The following TRAPPC9 variants were observed in gnomAD, a reference collection of about 807,000 sequenced individuals.
TRAPPC9 encodes IKK2 binding protein.
TRAPPC9 carries 83 observed loss-of-function variants against 124.0 expected under a neutral mutation model. That is an observed-to-expected ratio of 0.67 (90% CI 0.56 to 0.80). The LOEUF (loss-of-function observed/expected upper bound fraction) is 0.80, where lower values mean the gene tolerates loss of function less well. TRAPPC9 is among the 30% of genes least tolerant of loss of function. The pLI, the probability that TRAPPC9 is intolerant of heterozygous loss-of-function variation, is 0.00. For missense variants in TRAPPC9, 1,302 were observed against 1,508.3 expected (o/e 0.86, Z 2.27); for synonymous variants, 638 against 617.5 (o/e 1.03, Z -0.49).
chr8:140,139,962 TAAAC>T (rs949815953), intron 17 of TRAPPC9, among the ~76,000 whole-genome samples: 2 of 152,206 alleles, frequency 1.3e-5, no homozygotes, highest in African/African-American at 4.8e-5. Flanking sequence ...AGTTCATTCT[TAAAC>T]AAACAGCTAC....
At chr8:140,043,007 G>T (rs570615169) in intron 17 of TRAPPC9, among the ~76,000 whole-genome samples, 166 of 152,236 alleles carry the variant, frequency 1.1e-3, no homozygotes, top group African/African-American at 3.9e-3. Context: ...CTGTTTTTCA[G>T]CTCGACTGGC....
At position 140,221,595 on chromosome 8, in the gene TRAPPC9, G is replaced by A. The variant is rs1365054084; in HGVS notation, c.2432-12C>T. On this transcript the variant is annotated splice_polypyrimidine_tract_variant and intron_variant, in intron 16 of 22. Coordinates refer to ENST00000438773, the MANE Select transcript of TRAPPC9 (RefSeq NM_001160372.4). ...CACACTGATTCCATCTACAAAATAA[G>A]AACAAAAATCATAAGTAACACGTCA... is the stretch of plus-strand genomic sequence containing the variant. 2.5e-6 allele frequency: 4 copies of A among 1,612,658 alleles called. No homozygotes were observed. The Admixed American group carries it at 5.0e-5, about 20-fold the overall frequency.
At chr8:139,857,341 G>A (rs576438733) in intron 21 of TRAPPC9, among the ~76,000 whole-genome samples, 26 of 152,336 alleles carry the variant, frequency 1.7e-4, no homozygotes, top group Admixed American at 3.3e-4. Flanking sequence ...ATGGAGGCAA[G>A]GCGAGGCATA....
intron 17 of TRAPPC9, among the ~76,000 whole-genome samples, chr8:140,139,841 TAACAGCGTTCAA>T (rs930144528): frequency 6.6e-6 from 1 of 152,144 alleles, no homozygotes; most frequent in African/African-American, 2.4e-5. Flanking sequence ...GGTGGTTATC[TAACAGCGTTCAA>T]AAGCCCGCAG....
chr8:140,361,664 C>T (rs1489956767), intron 8 of TRAPPC9, among the ~76,000 whole-genome samples: 1 of 152,186 alleles, frequency 6.6e-6, no homozygotes, highest in Admixed American at 6.5e-5. Context: ...ACCTGTTCCA[C>T]TGTTTCACTA....
intron 15 of TRAPPC9, among the ~76,000 whole-genome samples, chr8:140,270,892 G>T (rs547949356): frequency 6.6e-6 from 1 of 152,242 alleles, no homozygotes; most frequent in Non-Finnish European, 1.5e-5. Flanking sequence ...ACAGGGCCGC[G>T]GGGGCCAGGG....
chr8:140,340,495 C>T (rs555103060), intron 9 of TRAPPC9, among the ~76,000 whole-genome samples: 2 of 152,368 alleles, frequency 1.3e-5, no homozygotes, highest in African/African-American at 4.8e-5. Context: ...AGCAAACACA[C>T]CAGCACTGTT....
intron 21 of TRAPPC9, among the ~76,000 whole-genome samples, chr8:139,847,085 T>C (rs1038118538): frequency 3.3e-5 from 5 of 152,108 alleles, no homozygotes; most frequent in Admixed American, 6.5e-5. Context: ...GCAGCAACTG[T>C]GGGTGCGCAG....
intron 9 of TRAPPC9, among the ~76,000 whole-genome samples, chr8:140,349,496 C>T (rs1337536734): frequency 1.3e-5 from 2 of 151,008 alleles, no homozygotes; most frequent in Non-Finnish European, 3.0e-5. Context: ...AGGCAGACGA[C>T]CCTGGCAGAG....
chr8:140,303,149 T>C (rs79633030), intron 10 of TRAPPC9, among the ~76,000 whole-genome samples: 13,542 of 152,238 alleles, frequency 0.089, 679 homozygotes, highest in African/African-American at 0.13. Context: ...GTTTAAGTTT[T>C]AAACGTATCA....
chr8:139,980,379 C>T (rs1425970800), intron 19 of TRAPPC9, among the ~76,000 whole-genome samples: 2 of 152,150 alleles, frequency 1.3e-5, no homozygotes, highest in African/African-American at 4.8e-5. Flanking sequence ...AATGGGGCCC[C>T]AAATAACAAC....
At chr8:140,306,096 T>C (rs539340419) in intron 10 of TRAPPC9, among the ~76,000 whole-genome samples, 26 of 152,290 alleles carry the variant, frequency 1.7e-4, no homozygotes, top group Admixed American at 7.8e-4. Flanking sequence ...ATGACAGTCT[T>C]AGAGAAGGAA....
At chr8:140,026,975 G>T (rs1840188064) in intron 17 of TRAPPC9, among the ~76,000 whole-genome samples, 1 of 151,980 alleles carries the variant, frequency 6.6e-6, no homozygotes, top group South Asian at 2.1e-4. Context: ...TCTCCAAAGG[G>T]CTGCTGATTT....
chr8:140,458,328 CA>C (rs1564040695), upstream of TRAPPC9: 3 of 1,578,378 alleles, frequency 1.9e-6, no homozygotes, highest in African/African-American at 2.7e-5. Context: ...CTGTGAAGCT[CA>C]GGGGTGGAGG....
chr8:139,911,058 T>A (rs1390244205), intron 19 of TRAPPC9, among the ~76,000 whole-genome samples: 1 of 152,074 alleles, frequency 6.6e-6, no homozygotes, highest in African/African-American at 2.4e-5. Flanking sequence ...TTTGGCTCTA[T>A]CCCCACCCAA....
chr8:140,278,541 C>A (rs145596951), intron 14 of TRAPPC9, among the ~76,000 whole-genome samples: 1 of 152,218 alleles, frequency 6.6e-6, no homozygotes, highest in Non-Finnish European at 1.5e-5. Context: ...CAGAAAAGCA[C>A]GCTAGCAGTA....
intron 17 of TRAPPC9, among the ~76,000 whole-genome samples, chr8:140,082,734 G>A (rs1032956050): frequency 1.3e-5 from 2 of 152,112 alleles, no homozygotes; most frequent in Non-Finnish European, 2.9e-5. Flanking sequence ...TTCTCCTATT[G>A]TTAAACAAAA....
At chr8:139,809,292 C>T (rs1824273767) in intron 21 of TRAPPC9, among the ~76,000 whole-genome samples, 3 of 152,124 alleles carry the variant, frequency 2.0e-5, no homozygotes, top group Middle Eastern at 3.4e-3. Context: ...CTGAGTGCAT[C>T]AGCAACACTG....
intron 17 of TRAPPC9, among the ~76,000 whole-genome samples, chr8:140,114,885 A>G (rs61433998): frequency 0.085 from 12,952 of 152,246 alleles, 1,457 homozygotes; most frequent in African/African-American, 0.26. Flanking sequence ...AAAAGATGCA[A>G]TATCCACGGA....
Sources: gnomAD v4.1 joint callset for allele counts (sites outside exome capture counted in the v4.1 genomes callset) on GRCh38, gnomAD v4.1.1 for gene constraint, MANE v1.5 for transcripts, NCBI Gene and HGNC (gene_info 2026-07-23, HGNC 2026-07-21) for gene names.